Variants in WWOX observed in about 807,000 individuals in gnomAD.
WWOX encodes the protein WW domain-containing oxidoreductase.
WWOX carries 69 observed loss-of-function variants against 46.2 expected under a neutral mutation model. The observed-to-expected ratio is 1.49, with a 90% confidence interval of 1.23 to 1.82. WWOX has a LOEUF of 1.82. WWOX is among the 40% of genes most tolerant of loss of function. WWOX has a pLI of 0.00. For synonymous variants in WWOX, 359 were observed against 202.6 expected (o/e 1.77, Z -6.56); for missense variants, 919 against 542.6 (o/e 1.69, Z -6.89).
chr16:78,667,256 C>G (rs2142190897), intron 8 of WWOX, among the ~76,000 whole-genome samples: 1 of 152,282 alleles, frequency 6.6e-6, no homozygotes, highest in Admixed American at 6.5e-5. Flanking sequence ...GACTATCTTT[C>G]TAGAAGCAGA....
intron 8 of WWOX, among the ~76,000 whole-genome samples, chr16:78,860,772 A>G (rs1233312465): frequency 6.6e-6 from 1 of 152,186 alleles, no homozygotes; most frequent in Non-Finnish European, 1.5e-5. Context: ...GGAACTAGCT[A>G]AAATTAGGGA....
At chr16:78,902,608 C>T (rs1597128129) in intron 8 of WWOX, among the ~76,000 whole-genome samples, 1 of 152,244 alleles carries the variant, frequency 6.6e-6, no homozygotes, top group Non-Finnish European at 1.5e-5. Flanking sequence ...CCAGTTTTCT[C>T]TTCTGCTCTC....
rs7197976 is a variant in WWOX at position 78,197,070 on chromosome 16, C to G, written c.516+32781C>G. ...GCAGTTAGTGGGAGTTGAGAGCCAGCTCTGCACCAGACTCGTATCAGCCAC... is the reference window on the plus strand; with the variant it reads ...GCAGTTAGTGGGAGTTGAGAGCCAGGTCTGCACCAGACTCGTATCAGCCAC... On this transcript the variant is annotated intron_variant, in intron 5 of 8. Transcript: ENST00000566780. Among the ~76,000 whole-genome samples, 473 of 152,322 alleles carry G rather than the reference C, an allele frequency of 3.1e-3. 3 individuals are homozygous for G. The highest frequency in any genetic ancestry group is 0.011 in the African/African-American group (446 of 41,572).
At chr16:79,184,141 T>G (rs958873236) in intron 8 of WWOX, among the ~76,000 whole-genome samples, 1 of 152,182 alleles carries the variant, frequency 6.6e-6, no homozygotes, top group Non-Finnish European at 1.5e-5. Flanking sequence ...CTGAATGGAT[T>G]GTAAATTAAA....
At chr16:78,716,530 T>G (rs1454729263) in intron 8 of WWOX, among the ~76,000 whole-genome samples, 4 of 152,150 alleles carry the variant, frequency 2.6e-5, no homozygotes, top group Admixed American at 2.6e-4. Flanking sequence ...CCCTCACTTT[T>G]GGGTCCCTAT....
chr16:78,954,814 G>T (rs778711928), intron 8 of WWOX, among the ~76,000 whole-genome samples: 1 of 152,110 alleles, frequency 6.6e-6, no homozygotes, highest in Non-Finnish European at 1.5e-5. Flanking sequence ...TTTTGAGACA[G>T]AGTCTCGTTC....
chr16:78,732,307 C>G (rs188543181), intron 8 of WWOX, among the ~76,000 whole-genome samples: 2 of 152,084 alleles, frequency 1.3e-5, no homozygotes, highest in African/African-American at 4.8e-5. Context: ...TGCTTACCCT[C>G]AAAATTTGGC....
intron 8 of WWOX, among the ~76,000 whole-genome samples, chr16:78,750,387 G>T (rs900212395): frequency 6.6e-6 from 1 of 152,182 alleles, no homozygotes; most frequent in African/African-American, 2.4e-5. Context: ...ATTTCCATTA[G>T]GATCAGGAAG....
intron 8 of WWOX, among the ~76,000 whole-genome samples, chr16:78,619,158 T>A (rs71376395): frequency 0.45 from 612 of 1,364 alleles, 167 homozygotes; most frequent in Non-Finnish European, 0.54. Context: ...TATATATATA[T>A]ATATATATAT....
At chr16:78,195,612 A>G (rs559101123) in intron 5 of WWOX, among the ~76,000 whole-genome samples, 2 of 152,234 alleles carry the variant, frequency 1.3e-5, no homozygotes, top group East Asian at 1.9e-4. Flanking sequence ...ACCCCAGGTC[A>G]GGAGTTTGAG....
chr16:79,024,686 C>T (rs112606321), intron 8 of WWOX, among the ~76,000 whole-genome samples: 2 of 152,048 alleles, frequency 1.3e-5, no homozygotes, highest in Non-Finnish European at 2.9e-5. Flanking sequence ...CTGCCCACCT[C>T]GGCCTCCCAA....
intron 8 of WWOX, among the ~76,000 whole-genome samples, chr16:78,967,395 C>T (rs1309282643): frequency 6.7e-6 from 1 of 150,052 alleles, no homozygotes; most frequent in Admixed American, 6.7e-5. Flanking sequence ...GCTTTCCACC[C>T]ACCTCAGCCT....
At chr16:78,635,943 T>A (rs867017867) in intron 8 of WWOX, among the ~76,000 whole-genome samples, 2 of 152,136 alleles carry the variant, frequency 1.3e-5, no homozygotes, top group Non-Finnish European at 1.5e-5. Context: ...GAGGTCACTG[T>A]GGAAGTACAG....
intron 8 of WWOX, among the ~76,000 whole-genome samples, chr16:78,915,419 A>G (rs1402501226): frequency 1.3e-5 from 2 of 152,188 alleles, no homozygotes; most frequent in Admixed American, 6.5e-5. Flanking sequence ...CTACAGGGCA[A>G]TCATAAATGT....
intron 8 of WWOX, among the ~76,000 whole-genome samples, chr16:78,460,158 C>T (rs549037264): frequency 4.0e-5 from 6 of 148,524 alleles, no homozygotes; most frequent in East Asian, 4.3e-4. Flanking sequence ...TAAAGAGTCT[C>T]GCTCTTTTCC....
chr16:78,412,714 A>G (rs1240958572), intron 6 of WWOX, among the ~76,000 whole-genome samples: 1 of 152,138 alleles, frequency 6.6e-6, no homozygotes, highest in Non-Finnish European at 1.5e-5. Context: ...GAATTTATTG[A>G]TTGAGAAGCC....
chr16:78,427,582 C>G (rs79838383), intron 7 of WWOX, among the ~76,000 whole-genome samples: 1,752 of 151,948 alleles, frequency 0.012, 28 homozygotes, highest in African/African-American at 0.04. Context: ...TCTGTGTAGA[C>G]AGAATCCAGC....
chr16:78,684,863 T>A (rs2047818732), intron 8 of WWOX, among the ~76,000 whole-genome samples: 1 of 152,188 alleles, frequency 6.6e-6, no homozygotes, highest in Admixed American at 6.5e-5. Context: ...ACACTTGTAA[T>A]TCATCACTCC....
intron 8 of WWOX, among the ~76,000 whole-genome samples, chr16:78,922,855 C>A (rs2045410505): frequency 6.6e-6 from 1 of 152,058 alleles, no homozygotes; most frequent in Non-Finnish European, 1.5e-5. Context: ...GTAATGTGGC[C>A]TATTTTCAAT....
Sources: gnomAD v4.1 joint callset for allele counts (sites outside exome capture counted in the v4.1 genomes callset) on GRCh38, gnomAD v4.1.1 for gene constraint, MANE v1.5 for transcripts, NCBI Gene and HGNC (gene_info 2026-07-23, HGNC 2026-07-21) for gene names.